The following POLR3B variants were observed in gnomAD, a reference collection of about 807,000 sequenced individuals.
POLR3B encodes RNA polymerase III subunit B.
A neutral mutation model predicts 147.4 loss-of-function variants in POLR3B; 96 were observed. The observed-to-expected ratio is 0.65, with a 90% CI of 0.55 to 0.77. The LOEUF (loss-of-function observed/expected upper bound fraction) is 0.77. Among genes scored for constraint, POLR3B ranks in the 30% least tolerant of loss-of-function variants. The pLI, the probability that POLR3B is intolerant of heterozygous loss-of-function variation, is 0.00. For missense variants in POLR3B, 1,036 were observed against 1,413.5 expected (o/e 0.73, Z 4.28); for synonymous variants, 461 against 485.9 (o/e 0.95, Z 0.67).
At chr12:106,430,801 C>T (rs549708784) in intron 14 of POLR3B, among the ~76,000 whole-genome samples, 3 of 152,256 alleles carry the variant, frequency 2.0e-5, no homozygotes, top group Admixed American at 1.3e-4. Flanking sequence ...TACCACCTCT[C>T]ATGCTCATGA....
chr12:106,481,042 T>C (rs2038260193), intron 23 of POLR3B, among the ~76,000 whole-genome samples: 2 of 152,066 alleles, frequency 1.3e-5, no homozygotes, highest in Non-Finnish European at 2.9e-5. Flanking sequence ...TGAAGAGCAT[T>C]TGAGGTGAAG....
In POLR3B at chr12:106,504,581, A is replaced by G. The variant is rs1308909241; in HGVS notation, c.3272+327A>G. Among the ~76,000 whole-genome samples the G allele has an allele frequency of 1.3e-5, 2 of 152,182 alleles. No individual in the cohort carries two copies. Among genetic ancestry groups the G allele is most frequent in the Non-Finnish European group, 2.9e-5 (2 of 68,028 alleles). On this transcript the variant is annotated intron_variant, in intron 27 of 27. Transcript: ENST00000228347. This position sits in a 1 kb window ranked among gnomAD's most constrained non-coding sequence, Gnocchi z 4.6. ...ATGCATTGTCGGGTGTTAGAATCGC[A>G]GTGTGTTAAAGAAACTCTTTAGGGA...
At chr12:106,463,651 A>C (rs901859547) in intron 23 of POLR3B, 31 bp downstream of exon 23, 1 of 1,579,434 alleles carries the variant, frequency 6.3e-7, no homozygotes, top group Non-Finnish European at 8.7e-7. Context: ...ACTTGATTAT[A>C]AAACAATATA....
rs138557707 is a variant in POLR3B at position 106,368,127 on chromosome 12, C to G, written c.228-1148C>G. On this transcript the variant is annotated intron_variant, in intron 4 of 27. Transcript: ENST00000228347. ...TTTCAGCTTTGACCATAGGGAGACCCTTCAGATTGACTCTGGTGTCCTTTC... is the reference window on the plus strand; with the variant it reads ...TTTCAGCTTTGACCATAGGGAGACCGTTCAGATTGACTCTGGTGTCCTTTC... 4.1e-3 allele frequency among the ~76,000 whole-genome samples: 629 copies of G among 151,952 alleles called. 6 individuals carry two copies. Among genetic ancestry groups the G allele is most frequent in the African/African-American group, 0.014 (590 of 41,434 alleles).
chr12:106,451,687 A>G (rs937814172), intron 19 of POLR3B, among the ~76,000 whole-genome samples: 10 of 151,524 alleles, frequency 6.6e-5, no homozygotes, highest in Non-Finnish European at 1.5e-4. Flanking sequence ...GCAAAGGAAG[A>G]TAGGAAAAAA....
chr12:106,492,491 G>A (rs1448153140), intron 23 of POLR3B, among the ~76,000 whole-genome samples: 1 of 152,142 alleles, frequency 6.6e-6, no homozygotes, highest in South Asian at 2.1e-4. Context: ...AGCCATGATT[G>A]TGCCACTGCA....
chr12:106,418,511 C>G (rs545396315), intron 12 of POLR3B, among the ~76,000 whole-genome samples: 11 of 152,308 alleles, frequency 7.2e-5, no homozygotes, highest in African/African-American at 2.4e-4. Flanking sequence ...AAATAGCAAT[C>G]TCAAGACGCC....
At chr12:106,377,456 A>G in intron 7 of POLR3B, among the ~76,000 whole-genome samples, 1 of 152,350 alleles carries the variant, frequency 6.6e-6, no homozygotes, top group Middle Eastern at 3.4e-3. Context: ...CAGGTATAAA[A>G]TGAAGTATTA....
intron 19 of POLR3B, among the ~76,000 whole-genome samples, chr12:106,453,670 G>A (rs564413615): frequency 6.6e-6 from 1 of 152,244 alleles, no homozygotes; most frequent in African/African-American, 2.4e-5. Flanking sequence ...TCCACAAGCC[G>A]AGGAGACTGA....
At chr12:106,426,222 TTGTGTGTG>T (rs35090518) in intron 12 of POLR3B, among the ~76,000 whole-genome samples, 108 of 131,220 alleles carry the variant, frequency 8.2e-4, no homozygotes, top group Middle Eastern at 3.8e-3. Flanking sequence ...GGCCTGCAAT[TTGTGTGTG>T]TGTGTGTGTG....
chr12:106,409,569 G>A (rs2136935954), intron 11 of POLR3B, among the ~76,000 whole-genome samples: 1 of 151,340 alleles, frequency 6.6e-6, no homozygotes, highest in East Asian at 1.9e-4. Context: ...TTCCTTTGAA[G>A]GAAAATGGAG....
rs752459624 is a variant in POLR3B at position 106,410,823 on chromosome 12, C to A, written c.967-3C>A. The A allele has an allele frequency of 1.2e-6, 2 of 1,613,632 alleles. No homozygotes were observed. Among genetic ancestry groups the A allele is most frequent in the South Asian group, 2.2e-5 (2 of 91,068 alleles). The stretch of plus-strand genomic sequence containing the variant: ...AAATTTTTCTCCAATTTCTGACTTA[C>A]AGGTTAAGGAATTCAATTTCCGAGC... On this transcript the variant is annotated splice_region_variant and splice_polypyrimidine_tract_variant and intron_variant, in intron 11 of 27. Coordinates refer to ENST00000228347, the MANE Select transcript of POLR3B (RefSeq NM_018082.6).
intron 23 of POLR3B, among the ~76,000 whole-genome samples, chr12:106,477,207 A>C (rs1184485469): frequency 4.3e-5 from 5 of 115,462 alleles, no homozygotes; most frequent in African/African-American, 2.1e-4. Flanking sequence ...GACCCACTTG[A>C]GGAGGCAGTC....
chr12:106,366,034 C>T (rs78175925), intron 2 of POLR3B, among the ~76,000 whole-genome samples: 8,092 of 152,164 alleles, frequency 0.053, 479 homozygotes, highest in African/African-American at 0.15. Flanking sequence ...ATACCTTCTT[C>T]TAGAATACTT....
chr12:106,418,001 G>A (rs866749681), intron 12 of POLR3B, among the ~76,000 whole-genome samples: 1 of 152,178 alleles, frequency 6.6e-6, no homozygotes, highest in Non-Finnish European at 1.5e-5. Context: ...GCAAAAATGT[G>A]TAAAAACAAT....
intron 21 of POLR3B, among the ~76,000 whole-genome samples, chr12:106,459,025 A>G (rs1331207815): frequency 6.7e-6 from 1 of 150,002 alleles, no homozygotes; most frequent in Non-Finnish European, 1.5e-5. Context: ...ATAGACTATG[A>G]TGTGTGTGTG....
At chr12:106,411,192 G>A (rs971379491) in intron 12 of POLR3B, among the ~76,000 whole-genome samples, 1 of 152,018 alleles carries the variant, frequency 6.6e-6, no homozygotes, top group African/African-American at 2.4e-5. Context: ...AGGCTGGAGT[G>A]CAATGGCACG....
intron 9 of POLR3B, among the ~76,000 whole-genome samples, chr12:106,384,409 C>T (rs1416778104): frequency 6.6e-6 from 1 of 152,196 alleles, no homozygotes; most frequent in Non-Finnish European, 1.5e-5. Flanking sequence ...AATTCACTTA[C>T]TTGCTAAAAT....
At chr12:106,407,510 C>A (rs1425286223) in intron 11 of POLR3B, among the ~76,000 whole-genome samples, 2 of 152,050 alleles carry the variant, frequency 1.3e-5, no homozygotes, top group African/African-American at 4.8e-5. Context: ...TAGAGTCCTG[C>A]CGATATTAAC....
Sources: allele counts gnomAD v4.1 joint callset (sites outside exome capture counted in the v4.1 genomes callset), GRCh38; gene constraint gnomAD v4.1.1; non-coding constraint Gnocchi (gnomAD v3.1); transcripts MANE v1.5; gene names NCBI Gene and HGNC (gene_info 2026-07-23, HGNC 2026-07-21).